The following RBFOX1 variants were observed in gnomAD, a reference collection of about 807,000 sequenced individuals.
RBFOX1 encodes RNA binding protein fox-1 homolog 1.
RBFOX1 carries 8 observed loss-of-function variants against 57.7 expected under a neutral mutation model. The ratio of observed to expected loss-of-function variants is 0.14; its 90% confidence interval spans 0.08 to 0.25. The LOEUF (loss-of-function observed/expected upper bound fraction) is 0.25, where lower values mean the gene tolerates loss of function less well. Among genes scored for constraint, RBFOX1 ranks in the 10% least tolerant of loss-of-function variants. RBFOX1 has a pLI of 1.00. For synonymous variants in RBFOX1, 326 were observed against 222.4 expected (o/e 1.47, Z -4.15); for missense variants, 611 against 548.5 (o/e 1.11, Z -1.14).
intron 4 of RBFOX1, among the ~76,000 whole-genome samples, chr16:7,370,459 G>A (rs1283337132): frequency 6.6e-6 from 1 of 152,116 alleles, no homozygotes; most frequent in East Asian, 1.9e-4. Context: ...GTCAATCAAA[G>A]CGATCTTTGT....
chr16:7,014,979 C>T (rs1687721748), intron 3 of RBFOX1, among the ~76,000 whole-genome samples: 2 of 152,198 alleles, frequency 1.3e-5, no homozygotes, highest in Admixed American at 6.5e-5. Context: ...CCGCCTGGAC[C>T]TCCCAAAGGG....
chr16:7,054,980 A>G (rs189788886), intron 4 of RBFOX1, among the ~76,000 whole-genome samples: 10 of 152,328 alleles, frequency 6.6e-5, no homozygotes, highest in Non-Finnish European at 4.4e-5. Flanking sequence ...TGGCGTATCC[A>G]ATACTTGGTG....
At chr16:7,119,000 G>A (rs188911078) in intron 4 of RBFOX1, among the ~76,000 whole-genome samples, 1 of 152,224 alleles carries the variant, frequency 6.6e-6, no homozygotes, top group East Asian at 1.9e-4. Context: ...TCAGTTCTGT[G>A]TGCCAGAGGA....
chr16:6,106,755 C>T (rs960389949), intron 1 of RBFOX1, among the ~76,000 whole-genome samples: 1 of 152,134 alleles, frequency 6.6e-6, no homozygotes, highest in Non-Finnish European at 1.5e-5. Flanking sequence ...GCAAGCTCTG[C>T]CTCCCGGGTT....
At chr16:6,973,054 C>T (rs955832413) in intron 3 of RBFOX1, among the ~76,000 whole-genome samples, 1 of 152,082 alleles carries the variant, frequency 6.6e-6, no homozygotes. Flanking sequence ...TCAGTTGAAC[C>T]TGGGAGGTGG....
chr16:5,861,330 G>A (rs921241941), intron 3 of RBFOX1, among the ~76,000 whole-genome samples: 4 of 152,214 alleles, frequency 2.6e-5, no homozygotes, highest in African/African-American at 9.7e-5. Context: ...ACAATTGAAT[G>A]TGAGCTGGAA....
Position 6,806,837 on chromosome 16 carries a change from T to TTTATATATATATATA in RBFOX1, c.-16+152189_-16+152190insATATATATATATATT, listed in dbSNP as rs2086949676. 5.1e-3 allele frequency among the ~76,000 whole-genome samples: 352 copies of TTTATATATATATATA among 68,632 alleles called. 2 individuals carry two copies. The highest frequency in any genetic ancestry group is 0.012 in the African/African-American group (230 of 19,894). The allele number at this position is 68,632 out of a possible 152,430, so 45.0% of individuals were successfully genotyped here. ...ATATAAATATATATATATATATATA[T>TTTATATATATATATA]TTTTTTTTTTTTTTGAGAGAAAGTC... is the stretch of plus-strand genomic sequence containing the variant. On this transcript the variant is annotated intron_variant, in intron 3 of 15. Coordinates refer to ENST00000550418, the MANE Select transcript of RBFOX1 (RefSeq NM_018723.4).
intron 2 of RBFOX1, among the ~76,000 whole-genome samples, chr16:6,480,767 G>C (rs2095359799): frequency 6.6e-6 from 1 of 152,122 alleles, no homozygotes; most frequent in Non-Finnish European, 1.5e-5. Context: ...TTTTTGCTGA[G>C]AAATATTTGT....
At chr16:6,856,861 GATAATA>G (rs544983673) in intron 3 of RBFOX1, among the ~76,000 whole-genome samples, 1 of 151,782 alleles carries the variant, frequency 6.6e-6, no homozygotes, top group African/African-American at 2.4e-5. Context: ...TGTCAATTCA[GATAATA>G]ATAATTCTGC....
At chr16:6,274,734 A>T (rs1416038134) in intron 1 of RBFOX1, among the ~76,000 whole-genome samples, 3 of 152,216 alleles carry the variant, frequency 2.0e-5, no homozygotes, top group Non-Finnish European at 4.4e-5. Flanking sequence ...CTACAAATTC[A>T]TATGAATCTA....
At chr16:5,309,997 C>T (rs528097143) in intron 1 of RBFOX1, among the ~76,000 whole-genome samples, 1 of 152,192 alleles carries the variant, frequency 6.6e-6, no homozygotes, top group African/African-American at 2.4e-5. Context: ...TGACAGGGAG[C>T]CTGAAAACCT....
chr16:7,051,230 A>C (rs1422057789), intron 3 of RBFOX1, among the ~76,000 whole-genome samples: 1 of 152,214 alleles, frequency 6.6e-6, no homozygotes, highest in African/African-American at 2.4e-5. Context: ...TCCTGATGAC[A>C]GAATGACCAT....
chr16:7,372,041 CAT>C (rs2097576087), intron 4 of RBFOX1, among the ~76,000 whole-genome samples: 1 of 151,922 alleles, frequency 6.6e-6, no homozygotes, highest in Admixed American at 6.6e-5. Context: ...TTAAATAAAA[CAT>C]ATATATGGGC....
At chr16:5,300,253 G>A (rs558269362) in intron 1 of RBFOX1, among the ~76,000 whole-genome samples, 64 of 152,226 alleles carry the variant, frequency 4.2e-4, no homozygotes, top group Non-Finnish European at 6.5e-4. Context: ...GGGTATTGAT[G>A]TATTTTTTCT....
chr16:7,658,597 A>T (rs932983995), intron 12 of RBFOX1, among the ~76,000 whole-genome samples: 1 of 152,094 alleles, frequency 6.6e-6, no homozygotes, highest in African/African-American at 2.4e-5. Flanking sequence ...AACCCTGTAG[A>T]CTTAGTATCT....
intron 11 of RBFOX1, among the ~76,000 whole-genome samples, chr16:7,648,948 A>G (rs1311926815): frequency 6.6e-6 from 1 of 152,184 alleles, no homozygotes; most frequent in Non-Finnish European, 1.5e-5. Flanking sequence ...AAAAACGTAC[A>G]AGGGTAGAAG....
At chr16:7,217,027 C>T (rs113629073) in intron 4 of RBFOX1, among the ~76,000 whole-genome samples, 2,037 of 47,498 alleles carry the variant, frequency 0.043, 27 homozygotes, top group African/African-American at 0.057. Context: ...CTCCCTCCCT[C>T]CCTCCCTCCC....
intron 4 of RBFOX1, among the ~76,000 whole-genome samples, chr16:7,201,404 C>T (rs1298354932): frequency 6.6e-6 from 1 of 151,232 alleles, no homozygotes; most frequent in Admixed American, 6.6e-5. Context: ...CTGGCTGAGG[C>T]AGGAGGTCCT....
chr16:5,822,306 T>C (rs1306199948), intron 3 of RBFOX1, among the ~76,000 whole-genome samples: 2 of 152,154 alleles, frequency 1.3e-5, no homozygotes, highest in Admixed American at 1.3e-4. Context: ...GGGCAAGGGA[T>C]AAAAGACAAC....
Sources: allele counts gnomAD v4.1 joint callset (sites outside exome capture counted in the v4.1 genomes callset), GRCh38; gene constraint gnomAD v4.1.1; transcripts MANE v1.5; gene names NCBI Gene and HGNC (gene_info 2026-07-23, HGNC 2026-07-21).